The following XKR6 variants were observed in gnomAD, a reference collection of about 807,000 sequenced individuals.
XKR6 encodes XK-related protein 6.
A neutral mutation model predicts 56.7 loss-of-function variants in XKR6; 22 were observed. That is an observed-to-expected ratio of 0.39 (90% confidence interval 0.28 to 0.55). The LOEUF is 0.55. Ranked by LOEUF, XKR6 falls within the 20% of genes least tolerant of loss-of-function variation. The pLI, the probability that XKR6 is intolerant of heterozygous loss-of-function variation, is 0.66. For missense variants in XKR6, 852 were observed against 889.0 expected (o/e 0.96, Z 0.53); for synonymous variants, 524 against 387.8 (o/e 1.35, Z -4.13).
At chr8:10,979,677 T>C (rs1195662557) in intron 1 of XKR6, among the ~76,000 whole-genome samples, 1 of 152,202 alleles carries the variant, frequency 6.6e-6, no homozygotes, top group Non-Finnish European at 1.5e-5. Flanking sequence ...AGGTCCCTTG[T>C]GGACAAGTCA....
chr8:10,954,866 C>CTTTTTTTTTTTTTTTTTTTTTTTTTTTT lies in XKR6; in HGVS notation c.765-30037_765-30036insAAAAAAAAAAAAAAAAAAAAAAAAAAAA, dbSNP rs34248780. Among the ~76,000 whole-genome samples, 11 of 92,792 alleles carry CTTTTTTTTTTTTTTTTTTTTTTTTTTTT rather than the reference C, an allele frequency of 1.2e-4. 1 individual carries two copies. The highest frequency in any genetic ancestry group is 1.7e-4 in the African/African-American group (4 of 23,228). 60.9% of individuals were successfully genotyped at this position (92,792 alleles called of 152,430 possible). ...TAAGGTAAGGGTCTAACTTCATTCT[C>CTTTTTTTTTTTTTTTTTTTTTTTTTTTT]TTTTTTTTTTTTTTTTTTTTAGACA... is the stretch of plus-strand genomic sequence containing the variant. On this transcript the variant is annotated intron_variant, in intron 1 of 2. Coordinates refer to ENST00000416569, the MANE Select transcript of XKR6 (RefSeq NM_173683.4).
intron 1 of XKR6, among the ~76,000 whole-genome samples, chr8:10,968,966 T>C (rs980605891): frequency 6.6e-6 from 1 of 152,160 alleles, no homozygotes; most frequent in African/African-American, 2.4e-5. Context: ...TGAAGGCCTA[T>C]TTTCCACCTA....
At chr8:11,101,314 T>C (rs4841495) in intron 1 of XKR6, among the ~76,000 whole-genome samples, 86,231 of 152,090 alleles carry the variant, frequency 0.57, 27,557 homozygotes, top group African/African-American at 0.85. Flanking sequence ...GAGCTGGTTA[T>C]ATTCATGCAG....
chr8:10,913,880 G>A (rs1800480794), intron 2 of XKR6, among the ~76,000 whole-genome samples: 1 of 152,212 alleles, frequency 6.6e-6, no homozygotes, highest in Non-Finnish European at 1.5e-5. Flanking sequence ...GCAGCACGAG[G>A]CAGGAGGACC....
At chr8:11,111,265 T>C (rs1302800706) in intron 1 of XKR6, among the ~76,000 whole-genome samples, 1 of 152,260 alleles carries the variant, frequency 6.6e-6, no homozygotes, top group Middle Eastern at 3.4e-3. Context: ...TTTGCACTAA[T>C]TCATTCAGCC....
chr8:11,113,463 T>C (rs970284509), intron 1 of XKR6, among the ~76,000 whole-genome samples: 1 of 152,204 alleles, frequency 6.6e-6, no homozygotes, highest in African/African-American at 2.4e-5. Context: ...GAACATGTAA[T>C]AGCTTAAAGC....
intron 1 of XKR6, among the ~76,000 whole-genome samples, chr8:11,148,510 G>C (rs570346688): frequency 1.3e-5 from 2 of 152,338 alleles, no homozygotes; most frequent in Admixed American, 6.5e-5. Flanking sequence ...GTGGTTGTTT[G>C]TTATGGCTGT....
chr8:10,980,640 A>G lies in XKR6; in HGVS notation c.765-55810T>C, dbSNP rs1586386692. On this transcript the variant is annotated intron_variant, in intron 1 of 2. Coordinates refer to ENST00000416569, the MANE Select transcript of XKR6 (RefSeq NM_173683.4). ...GGTATCTATCCATGTTACACGGATC[A>G]TGATTATGGATTATGATCTCTGTCT... Among the ~76,000 whole-genome samples, 4 of 152,200 alleles carry G rather than the reference A, an allele frequency of 2.6e-5. 1 individual carries two copies. The South Asian group carries it at 8.3e-4, about 31-fold the overall frequency.
chr8:11,183,832 G>T (rs779196696), intron 1 of XKR6, among the ~76,000 whole-genome samples: 1 of 152,110 alleles, frequency 6.6e-6, no homozygotes, highest in Non-Finnish European at 1.5e-5. Flanking sequence ...AGGAATAAGG[G>T]TTTAAACACA....
intron 1 of XKR6, among the ~76,000 whole-genome samples, chr8:10,932,306 T>C (rs1213620581): frequency 6.6e-6 from 1 of 152,196 alleles, no homozygotes; most frequent in African/African-American, 2.4e-5. Flanking sequence ...CAGTCTCTCA[T>C]AAAGTTAAAC....
At chr8:10,899,121 C>T (rs141065161) in intron 2 of XKR6, among the ~76,000 whole-genome samples, 2 of 152,316 alleles carry the variant, frequency 1.3e-5, no homozygotes, top group African/African-American at 2.4e-5. Flanking sequence ...TTTCAACAAC[C>T]CCATTTGCCA....
At chr8:11,159,836 G>A (rs571391416) in intron 1 of XKR6, among the ~76,000 whole-genome samples, 2 of 152,250 alleles carry the variant, frequency 1.3e-5, no homozygotes, top group African/African-American at 4.8e-5. Context: ...ACACAAAGAA[G>A]GTACCTTATC....
At chr8:11,070,564 C>G (rs551370337) in intron 1 of XKR6, among the ~76,000 whole-genome samples, 1 of 152,296 alleles carries the variant, frequency 6.6e-6, no homozygotes, top group South Asian at 2.1e-4. Context: ...AGTCTTTAGG[C>G]TGGTTCCATC....
At chr8:10,983,455 C>T (rs575904238) in intron 1 of XKR6, among the ~76,000 whole-genome samples, 1 of 151,944 alleles carries the variant, frequency 6.6e-6, no homozygotes, top group African/African-American at 2.4e-5. Flanking sequence ...TATAAATTAC[C>T]AAAACCAACC....
chr8:10,926,369 A>G (rs535061206), intron 1 of XKR6, among the ~76,000 whole-genome samples: 1 of 152,234 alleles, frequency 6.6e-6, no homozygotes, highest in Non-Finnish European at 1.5e-5. Flanking sequence ...CAGGTGCAGT[A>G]AGCCCCGCTC....
chr8:11,063,427 G>T (rs558901678), intron 1 of XKR6, among the ~76,000 whole-genome samples: 2 of 151,006 alleles, frequency 1.3e-5, no homozygotes, highest in Non-Finnish European at 1.5e-5. Context: ...GCATCCAGGA[G>T]TTGGAGGCTG....
intron 1 of XKR6, among the ~76,000 whole-genome samples, chr8:11,053,386 T>TC (rs1425317307): frequency 5.3e-5 from 8 of 152,176 alleles, no homozygotes; most frequent in Admixed American, 5.2e-4. Flanking sequence ...GGTAAACCCA[T>TC]CAACCACAGC....
At chr8:11,089,304 T>C (rs1279324035) in intron 1 of XKR6, among the ~76,000 whole-genome samples, 1 of 152,174 alleles carries the variant, frequency 6.6e-6, no homozygotes, top group East Asian at 1.9e-4. Context: ...ATATTTATCA[T>C]ACACTCACGC....
At chr8:11,080,121 G>A (rs1797665408) in intron 1 of XKR6, among the ~76,000 whole-genome samples, 1 of 151,982 alleles carries the variant, frequency 6.6e-6, no homozygotes, top group Non-Finnish European at 1.5e-5. Flanking sequence ...ACTCTTTGCA[G>A]AGACCCACCT....
Sources: allele counts gnomAD v4.1 joint callset (sites outside exome capture counted in the v4.1 genomes callset), GRCh38; gene constraint gnomAD v4.1.1; transcripts MANE v1.5; gene names NCBI Gene and HGNC (gene_info 2026-07-23, HGNC 2026-07-21).